The following ARHGAP25 variants were observed in gnomAD, a reference collection of about 807,000 sequenced individuals.
ARHGAP25 encodes rho GTPase-activating protein 25.
Under a neutral mutation model 71.0 loss-of-function variants are expected in ARHGAP25, and 34 were observed. That is an observed-to-expected ratio of 0.48 (90% CI 0.36 to 0.64). ARHGAP25 has a LOEUF of 0.64. Among genes scored for constraint, ARHGAP25 ranks in the 30% least tolerant of loss-of-function variants. ARHGAP25 has a pLI of 0.00. For synonymous variants in ARHGAP25, 282 were observed against 296.5 expected (o/e 0.95, Z 0.50); for missense variants, 706 against 805.1 (o/e 0.88, Z 1.49).
intron 2 of ARHGAP25, among the ~76,000 whole-genome samples, chr2:68,715,599 C>T (rs1198682494): frequency 2.0e-5 from 3 of 152,088 alleles, no homozygotes; most frequent in Non-Finnish European, 2.9e-5. Context: ...AGGTGAGAGG[C>T]ATGGGGCTGC....
chr2:68,799,376 T>C (rs1573569381), intron 4 of ARHGAP25, among the ~76,000 whole-genome samples: 1 of 152,160 alleles, frequency 6.6e-6, no homozygotes, highest in African/African-American at 2.4e-5. Context: ...CTGTATCTGC[T>C]CATCAGGAGG....
intron 4 of ARHGAP25, among the ~76,000 whole-genome samples, chr2:68,790,939 G>A (rs1024254912): frequency 6.6e-6 from 1 of 151,984 alleles, no homozygotes; most frequent in Non-Finnish European, 1.5e-5. Context: ...ACCTTCTCCC[G>A]TGCTCATTTC....
chr2:68,815,443 C>CTTTTTTTTTTTTTTTTTTTTTTTTTTTT (rs796100406), intron 6 of ARHGAP25, among the ~76,000 whole-genome samples: 2 of 62,290 alleles, frequency 3.2e-5, no homozygotes, highest in African/African-American at 1.3e-4. Context: ...TGTGTACTCT[C>CTTTTTTTTTTTTTTTTTTTTTTTTTTTT]TTTTTTTTTT....
intron 1 of ARHGAP25, among the ~76,000 whole-genome samples, chr2:68,773,100 C>G (rs1001980478): frequency 4.6e-5 from 7 of 152,102 alleles, no homozygotes; most frequent in African/African-American, 7.2e-5. Context: ...GAACTCAGAC[C>G]CCTTGTGAGG....
chr2:68,779,976 G>A (rs1878897), intron 2 of ARHGAP25, among the ~76,000 whole-genome samples: 20,261 of 152,276 alleles, frequency 0.13, 1,431 homozygotes, highest in Admixed American at 0.16. Flanking sequence ...CTCTCAGCAA[G>A]TGGGACTTGT....
intron 5 of ARHGAP25, among the ~76,000 whole-genome samples, chr2:68,811,603 GC>G (rs1415620391): frequency 6.6e-6 from 1 of 152,096 alleles, no homozygotes; most frequent in Non-Finnish European, 1.5e-5. Context: ...CTCTGTGCCA[GC>G]CCGTGTTCTC....
At chr2:68,747,720 T>G (rs932445284) in intron 1 of ARHGAP25, among the ~76,000 whole-genome samples, 6 of 151,392 alleles carry the variant, frequency 4.0e-5, no homozygotes, top group African/African-American at 1.5e-4. Flanking sequence ...CCAGTTCACC[T>G]GCCCTTTGCA....
intron 1 of ARHGAP25, among the ~76,000 whole-genome samples, chr2:68,743,265 T>G (rs1675614387): frequency 6.6e-6 from 1 of 151,968 alleles, no homozygotes; most frequent in Non-Finnish European, 1.5e-5. Context: ...GCCACTGAAG[T>G]GAGGTTGGAA....
At chr2:68,819,661 G>T in intron 9 of ARHGAP25, 1 of 542,752 alleles carries the variant, frequency 1.8e-6, no homozygotes, top group Non-Finnish European at 3.3e-6. Context: ...GTTTTGGTCA[G>T]AATTGTTGAA....
intron 1 of ARHGAP25, among the ~76,000 whole-genome samples, chr2:68,755,639 A>C (rs1676433405): frequency 1.7e-5 from 1 of 59,680 alleles, no homozygotes; most frequent in African/African-American, 6.0e-5. Flanking sequence ...AAGGAACAGA[A>C]ATTTTTGCAT....
At chr2:68,817,577 C>G (rs1343231370) in intron 7 of ARHGAP25, among the ~76,000 whole-genome samples, 2 of 152,120 alleles carry the variant, frequency 1.3e-5, no homozygotes, top group Non-Finnish European at 2.9e-5. Flanking sequence ...CCCATTTTAC[C>G]TTTTCTAGTC....
chr2:68,728,375 A>G (rs1674931183), intron 2 of ARHGAP25, among the ~76,000 whole-genome samples: 1 of 152,232 alleles, frequency 6.6e-6, no homozygotes, highest in Admixed American at 6.5e-5. Flanking sequence ...ACCCTCATAC[A>G]TTTCTGGTGG....
At chr2:68,742,817 C>T (rs1294030599) in intron 1 of ARHGAP25, among the ~76,000 whole-genome samples, 2 of 152,202 alleles carry the variant, frequency 1.3e-5, no homozygotes, top group Non-Finnish European at 2.9e-5. Flanking sequence ...GCTCCTGGCT[C>T]ACAGCACACA....
rs564083040 is a variant in ARHGAP25, at chr2:68,744,664, G to A, written c.61+9404G>A. Among the ~76,000 whole-genome samples the A allele has an allele frequency of 3.9e-5, 6 of 152,266 alleles. No homozygotes were observed. In the South Asian group the frequency reaches 1.2e-3, roughly 32 times the overall value. On this transcript the variant is annotated intron_variant, in intron 1 of 10. Transcript: ENST00000409202. Reference sequence around the variant, plus strand: ...GCCCCTAGATATCTACAAGGGGCAAGTTTTTACATGTTCATTCAAGTCTAT... The same window carrying A: ...GCCCCTAGATATCTACAAGGGGCAAATTTTTACATGTTCATTCAAGTCTAT...
chr2:68,770,832 A>G (rs1430921262), intron 1 of ARHGAP25, among the ~76,000 whole-genome samples: 1 of 152,076 alleles, frequency 6.6e-6, no homozygotes, highest in Non-Finnish European at 1.5e-5. Flanking sequence ...CATCTAAAGC[A>G]TCTTCTTCTC....
At chr2:68,758,029 A>C (rs1365121037) in intron 1 of ARHGAP25, among the ~76,000 whole-genome samples, 1 of 152,046 alleles carries the variant, frequency 6.6e-6, no homozygotes, top group African/African-American at 2.4e-5. Flanking sequence ...AGTTCATATA[A>C]ATTTAAATTA....
At chr2:68,772,545 A>G (rs2104367727) in intron 1 of ARHGAP25, among the ~76,000 whole-genome samples, 2 of 152,336 alleles carry the variant, frequency 1.3e-5, no homozygotes, top group Middle Eastern at 6.8e-3. Context: ...ATTTTCTCCA[A>G]AAGTTTTGTG....
chr2:68,717,953 C>T (rs1373230560), intron 2 of ARHGAP25, among the ~76,000 whole-genome samples: 2 of 152,052 alleles, frequency 1.3e-5, no homozygotes, highest in Non-Finnish European at 2.9e-5. Flanking sequence ...CCCACTTTAT[C>T]ATATAATTAG....
intron 5 of ARHGAP25, among the ~76,000 whole-genome samples, chr2:68,812,967 G>C (rs75427822): frequency 0.012 from 1,852 of 152,236 alleles, 16 homozygotes; most frequent in Non-Finnish European, 0.019. Context: ...CTAATTGTGA[G>C]GCACTAAATG....
Sources: gnomAD v4.1 joint callset for allele counts (sites outside exome capture counted in the v4.1 genomes callset) on GRCh38, gnomAD v4.1.1 for gene constraint, MANE v1.5 for transcripts, NCBI Gene and HGNC (gene_info 2026-07-23, HGNC 2026-07-21) for gene names.